Variants in TMEM270 observed in about 807,000 individuals in gnomAD.
TMEM270 encodes transmembrane protein 270.
In TMEM270, 30 loss-of-function variants were observed where a neutral mutation model predicts 29.9. The ratio of observed to expected loss-of-function variants is 1.00; its 90% CI spans 0.75 to 1.36. The LOEUF (loss-of-function observed/expected upper bound fraction) is 1.36. Among genes scored for constraint, TMEM270 ranks in the 40% most tolerant of loss-of-function variants. The pLI is 0.00. For synonymous variants in TMEM270, 135 were observed against 139.8 expected (o/e 0.97, Z 0.24); for missense variants, 313 against 307.1 (o/e 1.02, Z -0.14).
chr7:73,863,354 G>A (rs80018429), intron 1 of TMEM270, among the ~76,000 whole-genome samples: 2,831 of 151,358 alleles, frequency 0.019, 37 homozygotes, highest in Non-Finnish European at 0.03. Context: ...GGGAGACACC[G>A]TTGTCCAACT....
intron 2 of TMEM270, 34 bp downstream of exon 2, chr7:73,865,455 G>C: frequency 6.3e-7 from 1 of 1,589,584 alleles, no homozygotes; most frequent in Non-Finnish European, 8.6e-7. Flanking sequence ...GGGGTGTGGA[G>C]GGCAAACCTG....
In TMEM270 at chr7:73,865,884, A is replaced by T. The variant is rs1554639941; in HGVS notation, c.*11A>T. 5 of 1,604,766 alleles carry T rather than the reference A, an allele frequency of 3.1e-6. No homozygotes were observed. The highest frequency in any genetic ancestry group is 3.4e-6 in the Non-Finnish European group (4 of 1,177,598). ...ACTCCCAGAGAATAAATGTATCCCC[A>T]TCTGCCTCTCCTGGTCTGGCCTAGC... On this transcript the variant is annotated 3_prime_UTR_variant, in exon 3 of 3. Transcript: ENST00000320531.
chr7:73,865,597 G>A lies in TMEM270; in HGVS notation c.522G>A (p.Val174=), dbSNP rs782760193. 16 of 1,613,924 alleles carry A rather than the reference G, an allele frequency of 9.9e-6. No homozygotes were observed. The highest frequency in any genetic ancestry group is 1.3e-5 in the Non-Finnish European group (15 of 1,179,932). The change falls in exon 3 of 3, where the codon GTG becomes GTA. Residue 174 remains valine (V), a synonymous_variant. Coordinates refer to ENST00000320531, the MANE Select transcript of TMEM270 (RefSeq NM_182504.4). ...TCCAGGCCTTGCAAGTGAACTGCGT[G>A]GTAAGGAAGCTCCTGGTACAGCTGA... ...QLSKALQVNC[V]VRKLLVQLRR... is the part of the protein sequence containing the mutation.
At chr7:73,864,772 A>G (rs1314015472) in intron 1 of TMEM270, among the ~76,000 whole-genome samples, 1 of 152,002 alleles carries the variant, frequency 6.6e-6, no homozygotes, top group Non-Finnish European at 1.5e-5. Context: ...GTGTGGTGGC[A>G]GGCGCCTGTA....
In TMEM270 at chr7:73,865,735, G is replaced by A; in HGVS notation, c.660G>A (p.Glu220=). The stretch of plus-strand genomic sequence containing the variant: ...CCCACCTGCTGCAGGCTGCCTTTGA[G>A]CACACGACCCAGCTGGCCGAGGCCC... ...LASHLLQAAF[E]HTTQLAEAQE... Residue 220 remains glutamate, a synonymous_variant, in exon 3 of 3, where the codon GAG becomes GAA. Coordinates refer to ENST00000320531, the MANE Select transcript of TMEM270 (RefSeq NM_182504.4). 1 of 1,614,126 alleles carries A rather than the reference G, an allele frequency of 6.2e-7. No individual in the cohort carries two copies. The highest frequency in any genetic ancestry group is 8.5e-7 in the Non-Finnish European group (1 of 1,180,022).
Position 73,861,429 on chromosome 7 carries a change from A to G in TMEM270, c.72+163A>G, listed in dbSNP as rs969364817. 9.0e-6 allele frequency: 6 copies of G among 669,616 alleles called. No individual in the cohort carries two copies. The Admixed American group carries it at 9.5e-5, about 11-fold the overall frequency. The allele number at this position is 669,616 out of a possible 1,614,324, so 41.5% of individuals were successfully genotyped here. On this transcript the variant is annotated intron_variant, in intron 1 of 2. Coordinates refer to ENST00000320531, the MANE Select transcript of TMEM270 (RefSeq NM_182504.4). ...GACATCTCCCAGAAGCCCCACTCCA[A>G]ACTACAGTGCTGACATTTTCTTTTC...
Position 73,865,704 on chromosome 7 carries a change from T to G in TMEM270, c.629T>G (p.Leu210Arg). Reference sequence around the variant, plus strand: ...TATCTCATCACCTGGACCACCTGCCTGGCCTCCCACCTGCTGCAGGCTGCC... The same window carrying G: ...TATCTCATCACCTGGACCACCTGCCGGGCCTCCCACCTGCTGCAGGCTGCC... The part of the protein sequence containing the change: ...LAYLITWTTC[L>R]ASHLLQAAFE... Residue 210 changes from leucine to arginine, a missense_variant, in exon 3 of 3, where the codon CTG (leucine) becomes CGG (arginine). Transcript: ENST00000320531. 6.2e-7 allele frequency: 1 copy of G among 1,614,096 alleles called. No individual in the cohort carries two copies. Among genetic ancestry groups the G allele is most frequent in the African/African-American group, 1.3e-5 (1 of 75,044 alleles).
At position 73,862,147 on chromosome 7, in the gene TMEM270, G is replaced by A. The variant is rs117117010; in HGVS notation, c.72+881G>A. Among the ~76,000 whole-genome samples, 278 of 148,600 alleles carry A rather than the reference G, an allele frequency of 1.9e-3. 10 individuals are homozygous for A. The East Asian group carries it at 0.052, about 28-fold the overall frequency. Reference sequence around the variant, plus strand: ...TTTTCAGATGCAGTCTTGCCCTGTCGCGCAGGCTGCAGTGTAATGGTGCGA... The same window carrying A: ...TTTTCAGATGCAGTCTTGCCCTGTCACGCAGGCTGCAGTGTAATGGTGCGA... On this transcript the variant is annotated intron_variant, in intron 1 of 2. Coordinates refer to ENST00000320531, the MANE Select transcript of TMEM270 (RefSeq NM_182504.4).
Position 73,865,758 on chromosome 7 carries a change from C to A in TMEM270, c.683C>A (p.Ala228Asp), listed in dbSNP as rs1554639918. 6.2e-7 allele frequency: 1 copy of A among 1,614,150 alleles called. No individual in the cohort carries two copies. Among genetic ancestry groups the A allele is most frequent in the Non-Finnish European group, 8.5e-7 (1 of 1,180,018 alleles). Residue 228 changes from alanine to aspartate, a missense_variant, in exon 3 of 3, where the codon GCC (alanine) becomes GAC (aspartate). Coordinates refer to ENST00000320531, the MANE Select transcript of TMEM270 (RefSeq NM_182504.4). ...GAGCACACGACCCAGCTGGCCGAGGCCCAGGAGGTTGAACCCCAGGAGGTC... is the reference window on the plus strand; with the variant it reads ...GAGCACACGACCCAGCTGGCCGAGGACCAGGAGGTTGAACCCCAGGAGGTC... ...AFEHTTQLAE[A>D]QEVEPQEVSG...
At chr7:73,864,817 C>T (rs569612528) in intron 1 of TMEM270, among the ~76,000 whole-genome samples, 176 bp from the exon 2 acceptor site, 4 of 151,800 alleles carry the variant, frequency 2.6e-5, no homozygotes, top group African/African-American at 9.7e-5. Context: ...GCAGGAGAAT[C>T]GCCCGAAACC....
chr7:73,863,377 C>A (rs73142820), intron 1 of TMEM270, among the ~76,000 whole-genome samples: 1 of 151,720 alleles, frequency 6.6e-6, no homozygotes, highest in Non-Finnish European at 1.5e-5. Flanking sequence ...CCACCCAGAT[C>A]AGAAATCTGG....
Position 73,865,574 on chromosome 7 carries a change from C to T in TMEM270, c.502-3C>T, listed in dbSNP as rs1584355966. ...CACCTGCCCATCTGTCTCCCTGTTC[C>T]AGGCCTTGCAAGTGAACTGCGTGGT... is the stretch of plus-strand genomic sequence containing the variant. On this transcript the variant is annotated splice_region_variant and splice_polypyrimidine_tract_variant and intron_variant, in intron 2 of 2. Transcript: ENST00000320531. The T allele has an allele frequency of 6.2e-6, 10 of 1,612,864 alleles. No individual in the cohort carries two copies. In the East Asian group the frequency reaches 1.6e-4, roughly 25 times the overall value.
chr7:73,861,513 C>A (rs782159872), intron 1 of TMEM270: 3 of 622,370 alleles, frequency 4.8e-6, no homozygotes, highest in East Asian at 3.2e-5. Context: ...GCAGTGGTGC[C>A]GGCTCAGCTC....
rs1554639756 is a variant in TMEM270 at position 73,865,132 on chromosome 7, G to A, written c.212G>A (p.Cys71Tyr). 6.2e-7 allele frequency: 1 copy of A among 1,604,478 alleles called. No homozygotes were observed. The highest frequency in any genetic ancestry group is 2.2e-5 in the East Asian group (1 of 44,580). ...CACCTACCCCTGGGAGCTGCAGCCT[G>A]CCCCCTGGGCCAGGCTCTCTGGGCT... is the stretch of plus-strand genomic sequence containing the variant. ...QAHLPLGAAA[C>Y]PLGQALWAGL... The change falls in exon 2 of 3, where the codon TGC (cysteine) becomes TAC (tyrosine). Residue 71 changes from cysteine (C) to tyrosine (Y), a missense_variant. Transcript: ENST00000320531.
In TMEM270 at chr7:73,865,805, T is replaced by C; in HGVS notation, c.730T>C (p.Ser244Pro). 1 of 1,613,862 alleles carries C rather than the reference T, an allele frequency of 6.2e-7. No individual in the cohort carries two copies. Among genetic ancestry groups the C allele is most frequent in the Non-Finnish European group, 8.5e-7 (1 of 1,179,980 alleles). The change falls in exon 3 of 3, where the codon TCA becomes CCA. Residue 244 changes from serine to proline, a missense_variant. Coordinates refer to ENST00000320531, the MANE Select transcript of TMEM270 (RefSeq NM_182504.4). ...QEVSGSSLLP[S>P]LSASSDSESG... ...GGTCTCAGGGTCTTCCTTGCTGCCC[T>C]CACTGTCTGCGTCCTCGGACTCAGA...
intron 1 of TMEM270, among the ~76,000 whole-genome samples, chr7:73,864,359 G>A (rs958324078): frequency 6.6e-5 from 10 of 151,916 alleles, no homozygotes; most frequent in Non-Finnish European, 1.0e-4. Context: ...AGTGTGGGAG[G>A]TCAAGGCTGC....
chr7:73,865,848 C>T lies in TMEM270; in HGVS notation c.773C>T (p.Pro258Leu), dbSNP rs1788900033. ...GACTCAGAGTCTGGAACAGTTTTGC[C>T]AGAGCAAGAAACTCCCAGAGAATAA... Reference protein sequence around the residue: ...SSDSESGTVLPEQETPRE With the variant: ...SSDSESGTVLLEQETPRE Residue 258 changes from proline (P) to leucine (L), a missense_variant, in exon 3 of 3, where the codon CCA becomes CTA. Physicochemically the swap from Pro to Leu is moderately conservative, Grantham distance 98. Transcript: ENST00000320531. The T allele has an allele frequency of 6.2e-7, 1 of 1,612,594 alleles. No individual in the cohort carries two copies. Among genetic ancestry groups the T allele is most frequent in the Non-Finnish European group, 8.5e-7 (1 of 1,179,878 alleles).
At position 73,865,155 on chromosome 7, in the gene TMEM270, G is replaced by T. The variant is rs1788875009; in HGVS notation, c.235G>T (p.Ala79Ser). Residue 79 changes from alanine to serine, a missense_variant, in exon 2 of 3, where the codon GCT (alanine) becomes TCT (serine). By Grantham distance (99) the Ala-to-Ser change is moderately conservative. Transcript: ENST00000320531. ...CTGCCCCCTGGGCCAGGCTCTCTGG[G>T]CTGGGCTGGCTCTGATACAGGTCCC... ...AACPLGQALW[A>S]GLALIQVPVW... 2 of 1,611,208 alleles carry T rather than the reference G, an allele frequency of 1.2e-6. No homozygotes were observed. Among genetic ancestry groups the T allele is most frequent in the African/African-American group, 2.7e-5 (2 of 74,854 alleles).
chr7:73,865,709 TCC>T lies in TMEM270; in HGVS notation c.636_637del (p.His213ProfsTer7), dbSNP rs1554639906. Reference sequence around the variant, plus strand: ...CATCACCTGGACCACCTGCCTGGCCTCCCACCTGCTGCAGGCTGCCTTTGAGC... The same window carrying T: ...CATCACCTGGACCACCTGCCTGGCCTCACCTGCTGCAGGCTGCCTTTGAGC... Reference protein sequence around the residue: ...YLITWTTCLASHLLQAAFEHT... With the variant: ...YLITWTTCLAXHLLQAAFEHT... On this transcript the variant is annotated frameshift_variant, in exon 3 of 3. Coordinates refer to ENST00000320531, the MANE Select transcript of TMEM270 (RefSeq NM_182504.4). LOFTEE classifies it high-confidence loss of function. The T allele has an allele frequency of 6.2e-7, 1 of 1,614,088 alleles. No individual in the cohort carries two copies. The highest frequency in any genetic ancestry group is 1.1e-5 in the South Asian group (1 of 91,072).
Sources: allele counts gnomAD v4.1 joint callset (sites outside exome capture counted in the v4.1 genomes callset), GRCh38; gene constraint gnomAD v4.1.1; transcripts MANE v1.5; gene names NCBI Gene and HGNC (gene_info 2026-07-23, HGNC 2026-07-21).